The following DAB1 variants were observed in gnomAD, a reference collection of about 807,000 sequenced individuals.
The protein encoded by DAB1 is disabled homolog 1.
DAB1 carries 15 observed loss-of-function variants against 64.6 expected under a neutral mutation model. The observed-to-expected ratio is 0.23, with a 90% CI of 0.16 to 0.36. The LOEUF is 0.36. Among genes scored for constraint, DAB1 ranks in the 10% least tolerant of loss-of-function variants. DAB1 has a pLI of 1.00. For missense variants in DAB1, 596 were observed against 706.7 expected (o/e 0.84, Z 1.78); for synonymous variants, 235 against 251.9 (o/e 0.93, Z 0.64).
intron 1 of DAB1, among the ~76,000 whole-genome samples, chr1:57,332,282 A>G (rs1347662054): frequency 1.3e-5 from 2 of 152,142 alleles, no homozygotes; most frequent in East Asian, 3.9e-4. Context: ...TTTTTATATA[A>G]TAAAAATAAA....
At chr1:58,087,785 G>T (rs957098901) in intron 5 of DAB1, among the ~76,000 whole-genome samples, 6 of 152,194 alleles carry the variant, frequency 3.9e-5, no homozygotes, top group African/African-American at 1.4e-4. Context: ...AATTGTCAAG[G>T]CCTACGTAAC....
At chr1:57,463,120 T>A (rs1686842355) in intron 7 of DAB1, among the ~76,000 whole-genome samples, 1 of 152,194 alleles carries the variant, frequency 6.6e-6, no homozygotes. Context: ...CCTCTTGTCA[T>A]GGCATACACA....
upstream of DAB1, among the ~76,000 whole-genome samples, chr1:57,428,128 A>G (rs185010743): frequency 4.3e-4 from 66 of 152,236 alleles, no homozygotes; most frequent in African/African-American, 1.6e-3. Flanking sequence ...AGATCGCACC[A>G]TTGTACTCCA....
At chr1:58,090,963 CATTT>C (rs1377800874) in intron 5 of DAB1, among the ~76,000 whole-genome samples, 1 of 152,230 alleles carries the variant, frequency 6.6e-6, no homozygotes, top group African/African-American at 2.4e-5. Flanking sequence ...GTGCTACACA[CATTT>C]ATTAACCCCC....
At chr1:58,514,816 T>C (rs1203941219) in intron 2 of DAB1, among the ~76,000 whole-genome samples, 3 of 152,138 alleles carry the variant, frequency 2.0e-5, no homozygotes, top group Non-Finnish European at 4.4e-5. Context: ...CAGGCAAATA[T>C]AAGATGGAAA....
intron 3 of DAB1, among the ~76,000 whole-genome samples, chr1:58,377,977 C>G (rs1644345515): frequency 7.1e-6 from 1 of 141,702 alleles, no homozygotes; most frequent in Admixed American, 7.0e-5. Flanking sequence ...CGCATCGGCT[C>G]CTGAGGCTTC....
intron 2 of DAB1, among the ~76,000 whole-genome samples, chr1:57,176,854 A>G (rs529196536): frequency 6.6e-6 from 1 of 152,076 alleles, no homozygotes; most frequent in Admixed American, 6.5e-5. Context: ...TATCTTTCTA[A>G]TATGAACTTT....
chr1:57,231,749 A>G (rs1025305690), intron 2 of DAB1, among the ~76,000 whole-genome samples: 2 of 152,198 alleles, frequency 1.3e-5, no homozygotes, highest in African/African-American at 4.8e-5. Context: ...TAATTCTAAA[A>G]CCTTTTTTCT....
intron 14 of DAB1, among the ~76,000 whole-genome samples, chr1:57,009,912 T>C (rs1646211984): frequency 6.6e-6 from 1 of 152,208 alleles, no homozygotes; most frequent in African/African-American, 2.4e-5. Flanking sequence ...CTGAAGTGAT[T>C]TGGTGGCAAT....
chr1:58,171,211 T>C (rs1656157614), intron 4 of DAB1, among the ~76,000 whole-genome samples: 1 of 152,220 alleles, frequency 6.6e-6, no homozygotes, highest in African/African-American at 2.4e-5. Context: ...GAATCAACCC[T>C]GAAGTCTGGG....
At chr1:58,174,141 G>T (rs942579748) in intron 4 of DAB1, among the ~76,000 whole-genome samples, 5 of 152,220 alleles carry the variant, frequency 3.3e-5, no homozygotes, top group Admixed American at 2.6e-4. Context: ...CTTAGGGGAA[G>T]AGTGTTGTTT....
At chr1:57,331,624 T>C (rs1052674387) in intron 1 of DAB1, among the ~76,000 whole-genome samples, 1 of 152,206 alleles carries the variant, frequency 6.6e-6, no homozygotes, top group South Asian at 2.1e-4. Flanking sequence ...CTGCTTCCCA[T>C]TTAGCTAGGG....
chr1:57,669,319 T>G (rs1646483491), intron 6 of DAB1, among the ~76,000 whole-genome samples: 1 of 152,148 alleles, frequency 6.6e-6, no homozygotes, highest in African/African-American at 2.4e-5. Flanking sequence ...AAACTGATAT[T>G]ACACCTAAGT....
intron 2 of DAB1, among the ~76,000 whole-genome samples, chr1:57,284,720 T>G (rs1282570414): frequency 1.3e-5 from 2 of 152,286 alleles, no homozygotes; most frequent in African/African-American, 4.8e-5. Context: ...AATGAGATAA[T>G]CAATATGATG....
At chr1:57,920,574 C>A (rs914924674) in intron 5 of DAB1, among the ~76,000 whole-genome samples, 1 of 152,076 alleles carries the variant, frequency 6.6e-6, no homozygotes, top group Non-Finnish European at 1.5e-5. Context: ...AGCAGTCCGA[C>A]GTGGAGTCAG....
intron 6 of DAB1, among the ~76,000 whole-genome samples, chr1:57,659,950 C>T (rs1488548258): frequency 6.6e-6 from 1 of 150,720 alleles, no homozygotes; most frequent in Non-Finnish European, 1.5e-5. Flanking sequence ...GCTCTTCAGC[C>T]TGGTCAACAG....
chr1:58,300,528 C>G (rs1036277355), intron 4 of DAB1, among the ~76,000 whole-genome samples: 1 of 131,514 alleles, frequency 7.6e-6, no homozygotes, highest in Non-Finnish European at 1.6e-5. Flanking sequence ...GCCTGGGCAA[C>G]AAAAGTGAAA....
At chr1:57,583,572 A>T (rs1645341640) in intron 7 of DAB1, among the ~76,000 whole-genome samples, 1 of 152,112 alleles carries the variant, frequency 6.6e-6, no homozygotes, top group Non-Finnish European at 1.5e-5. Context: ...GGCCTGAGCC[A>T]CCACGCCCGG....
chr1:57,228,316 T>A (rs1014570617), intron 2 of DAB1, among the ~76,000 whole-genome samples: 1 of 152,138 alleles, frequency 6.6e-6, no homozygotes, highest in African/African-American at 2.4e-5. Flanking sequence ...TGATTTCATT[T>A]GCAACGACAA....
Sources: allele counts gnomAD v4.1 joint callset (sites outside exome capture counted in the v4.1 genomes callset), GRCh38; gene constraint gnomAD v4.1.1; transcripts MANE v1.5; gene names NCBI Gene and HGNC (gene_info 2026-07-23, HGNC 2026-07-21).